LTBP3: variants seen among roughly 807,000 people sequenced by gnomAD.
The protein encoded by LTBP3 is latent transforming growth factor beta binding protein 3.
In LTBP3, 97 loss-of-function variants were observed where a neutral mutation model predicts 159.7. The ratio of observed to expected loss-of-function variants is 0.61; its 90% CI spans 0.52 to 0.72. LTBP3 has a LOEUF of 0.72. Ranked by LOEUF, LTBP3 falls within the 30% of genes least tolerant of loss-of-function variation. The probability of loss-of-function intolerance (pLI) is 0.00; values close to 1 mark genes in which losing one functional copy is unlikely to be tolerated. For synonymous variants in LTBP3, 824 were observed against 777.1 expected, an observed-to-expected ratio of 1.06 and a Z score of -1.00; for missense variants, 1,584 against 1,864.3, an observed-to-expected ratio of 0.85 and a Z score of 2.77.
rs1444052671 is a variant in LTBP3 at position 65,553,474 on chromosome 11, G to C, written c.921C>G (p.Ile307Met). Residue 307 changes from isoleucine to methionine, a missense_variant, in exon 4 of 28, where the codon ATC becomes ATG. Physicochemically the swap from Ile to Met is conservative, Grantham distance 10 (BLOSUM62 1). Transcript: ENST00000301873. The surrounding 1 kb of genome is among the most constrained non-coding windows in gnomAD (Gnocchi z 6.5). ...LTKQEDCCGS[I>M]GTAWGQSKCH... is the part of the protein sequence containing the mutation. ...ACTTGCTCTGGCCCCAGGCAGTGCC[G>C]ATGCTACCGCAGCAGTCTTCCTGCT... 1 of 1,612,540 alleles carries C rather than the reference G, an allele frequency of 6.2e-7. No individual in the cohort carries two copies. Among genetic ancestry groups the C allele is most frequent in the Non-Finnish European group, 8.5e-7 (1 of 1,179,900 alleles).
rs2135131682 is a variant in LTBP3, at chr11:65,543,558, C to T, written c.2354-9G>A. On this transcript the variant is annotated splice_polypyrimidine_tract_variant and intron_variant, in intron 16 of 27. Coordinates refer to ENST00000301873, the MANE Select transcript of LTBP3 (RefSeq NM_001130144.3). ...CTCACACTCGTCCACATCTGCAGGGCATAGGGGGTGTCAGAGGACCAGGCT... is the reference window on the plus strand; with the variant it reads ...CTCACACTCGTCCACATCTGCAGGGTATAGGGGGTGTCAGAGGACCAGGCT... 1.9e-6 allele frequency: 3 copies of T among 1,614,022 alleles called. No individual in the cohort carries two copies. Among genetic ancestry groups the T allele is most frequent in the East Asian group, 2.2e-5 (1 of 44,888 alleles).
rs777800837 is a variant in LTBP3, at chr11:65,554,280, T to A, written c.432A>T (p.Ala144=). 6.2e-7 allele frequency: 1 copy of A among 1,611,072 alleles called. No homozygotes were observed. The stretch of plus-strand genomic sequence containing the variant: ...CGCCGGTACCCCCACCGGCTCCTCC[T>A]GCGGGCACCTGGCAGAAGCGCCCAG... ...DFTGRFCQVP[A]GGAGGGTGGS... Residue 144 remains alanine, a synonymous_variant, in exon 2 of 28, where the codon GCA becomes GCT. Transcript: ENST00000301873. This position sits in a 1 kb window ranked among gnomAD's most constrained non-coding sequence, Gnocchi z 5.3.
intron 16 of LTBP3, chr11:65,543,994 C>G (rs566463926): frequency 4.3e-6 from 1 of 232,246 alleles, no homozygotes; most frequent in East Asian, 1.0e-4. Context: ...CCCCTCCAAG[C>G]CTGAGCTCGG....
At chr11:65,545,800 G>A (rs1056212649) in intron 16 of LTBP3, 6 of 190,264 alleles carry the variant, frequency 3.2e-5, no homozygotes, top group Non-Finnish European at 5.5e-5. Context: ...CAACCTCCCA[G>A]GCAGGACTTA....
In LTBP3 at chr11:65,547,680, C is replaced by A. The variant is rs954727728; in HGVS notation, c.1978+10G>T. The stretch of plus-strand genomic sequence containing the variant: ...CCACCCAGGGCCGCCTCCGCCCTGG[C>A]GGCGCTCACCCACGCACGAGCGCCC... On this transcript the variant is annotated intron_variant, in intron 13 of 27. Transcript: ENST00000301873. This position sits in a 1 kb window ranked among gnomAD's most constrained non-coding sequence, Gnocchi z 4.6. The A allele has an allele frequency of 6.2e-7, 1 of 1,605,004 alleles. No individual in the cohort carries two copies. The highest frequency in any genetic ancestry group is 2.2e-5 in the East Asian group (1 of 44,706).
Position 65,552,096 on chromosome 11 carries a change from C to T in LTBP3, c.1407G>A (p.Thr469=), listed in dbSNP as rs1856632963. 12 of 1,613,998 alleles carry T rather than the reference C, an allele frequency of 7.4e-6. No individual in the cohort carries two copies. The highest frequency in any genetic ancestry group is 1.3e-5 in the African/African-American group (1 of 74,890). ...KGYHILTSHQ[T]LTIQGESDFS... Reference sequence around the variant, plus strand: ...AGTCACTCTCGCCCTGAATGGTGAGCGTCTGGTGGGAGGTGAGAATGTGGT... The same window carrying T: ...AGTCACTCTCGCCCTGAATGGTGAGTGTCTGGTGGGAGGTGAGAATGTGGT... Residue 469 remains threonine, a synonymous_variant, in exon 8 of 28, where the codon ACG becomes ACA. Coordinates refer to ENST00000301873, the MANE Select transcript of LTBP3 (RefSeq NM_001130144.3). This position sits in a 1 kb window ranked among gnomAD's most constrained non-coding sequence, Gnocchi z 6.0.
intron 16 of LTBP3, chr11:65,543,781 C>G: frequency 3.5e-6 from 2 of 569,888 alleles, no homozygotes; most frequent in Admixed American, 5.7e-5. Context: ...CCTCCCCCGC[C>G]CTCTCTCCCT....
Position 65,546,163 on chromosome 11 carries a change from G to T in LTBP3, c.2353+279C>A. 2.1e-6 allele frequency: 1 copy of T among 483,510 alleles called. No homozygotes were observed. Among genetic ancestry groups the T allele is most frequent in the Non-Finnish European group, 3.7e-6 (1 of 271,466 alleles). The allele number at this position is 483,510 out of a possible 1,614,324, so 30.0% of individuals were successfully genotyped here. ...GTATAATAAACAGGAGTGCAGGGGG[G>T]AGTACTATCGTCTGCCCTCATTCTT... On this transcript the variant is annotated intron_variant, in intron 16 of 27. Transcript: ENST00000301873. The surrounding 1 kb of genome is among the most constrained non-coding windows in gnomAD (Gnocchi z 4.0).
Position 65,539,127 on chromosome 11 carries a change from C to A in LTBP3, c.3865G>T (p.Ala1289Ser). 1.4e-6 allele frequency: 2 copies of A among 1,479,990 alleles called. No homozygotes were observed. Among genetic ancestry groups the A allele is most frequent in the Non-Finnish European group, 9.0e-7 (1 of 1,112,312 alleles). The allele number at this position is 1,479,990 out of a possible 1,614,324, so 91.7% of individuals were successfully genotyped here. Reference protein sequence around the residue: ...SFRCVCKAGFARSRPHGACVP... With the variant: ...SFRCVCKAGFSRSRPHGACVP... The stretch of plus-strand genomic sequence containing the variant: ...CAGGCCCCGTGCGGGCGGCTGCGCG[C>A]GAAGCCGGCTTTGCAGACGCAGCGG... The change falls in exon 28 of 28, where the codon GCG (alanine) becomes TCG (serine). Residue 1289 changes from alanine to serine, a missense_variant. Transcript: ENST00000301873.
intron 18 of LTBP3, chr11:65,542,756 C>T: frequency 2.9e-6 from 1 of 348,468 alleles, no homozygotes; most frequent in Non-Finnish European, 5.6e-6. Flanking sequence ...TGGGGAAGAC[C>T]AATACATTAA....
intron 11 of LTBP3, 60 bp from the exon 12 acceptor site, chr11:65,548,105 C>CA: frequency 6.2e-7 from 1 of 1,610,724 alleles, no homozygotes; most frequent in Non-Finnish European, 8.5e-7. Context: ...GCCATATCCC[C>CA]AGGGCAGACC....
Position 65,546,428 on chromosome 11 carries a change from G to C in LTBP3, c.2353+14C>G. ...GGGGCGGCGGAGGCCCGGGGCGGGG[G>C]TGCTGGCGCTCACCCAAGCAACTGC... is the stretch of plus-strand genomic sequence containing the variant. On this transcript the variant is annotated intron_variant, in intron 16 of 27. Coordinates refer to ENST00000301873, the MANE Select transcript of LTBP3 (RefSeq NM_001130144.3). The surrounding 1 kb of genome is among the most constrained non-coding windows in gnomAD (Gnocchi z 4.0). 6.5e-7 allele frequency: 1 copy of C among 1,538,860 alleles called. No individual in the cohort carries two copies. The highest frequency in any genetic ancestry group is 1.2e-5 in the South Asian group (1 of 84,310).
At position 65,547,906 on chromosome 11, in the gene LTBP3, T is replaced by C. The variant is rs1306156185; in HGVS notation, c.1846+14A>G. The C allele has an allele frequency of 6.2e-7, 1 of 1,613,408 alleles. No individual in the cohort carries two copies. Among genetic ancestry groups the C allele is most frequent in the Non-Finnish European group, 8.5e-7 (1 of 1,179,894 alleles). ...CCCACCCACCTGCATGCCCGCCGCC[T>C]GCCCTGCGCTCACCCACGCAGTAGC... On this transcript the variant is annotated intron_variant, in intron 12 of 27. Coordinates refer to ENST00000301873, the MANE Select transcript of LTBP3 (RefSeq NM_001130144.3). This position sits in a 1 kb window ranked among gnomAD's most constrained non-coding sequence, Gnocchi z 4.6.
In LTBP3 at chr11:65,552,799, T is replaced by A; in HGVS notation, c.1186+61A>T. On this transcript the variant is annotated intron_variant, in intron 6 of 27. Transcript: ENST00000301873. The surrounding 1 kb of genome is among the most constrained non-coding windows in gnomAD (Gnocchi z 6.0). ...AACCCCACTCTGATCTCTTGCGATC[T>A]CTGATCCTTGCTCCCACCCATGCCT... 6.2e-7 allele frequency: 1 copy of A among 1,613,044 alleles called. No homozygotes were observed. Among genetic ancestry groups the A allele is most frequent in the Non-Finnish European group, 8.5e-7 (1 of 1,179,292 alleles).
At chr11:65,551,900 G>T in intron 8 of LTBP3, 72 bp downstream of exon 8, 1 of 1,518,830 alleles carries the variant, frequency 6.6e-7, no homozygotes, top group Non-Finnish European at 9.1e-7. Flanking sequence ...GGTCAGATCT[G>T]TGGATCACGG....
intron 21 of LTBP3, 28 bp downstream of exon 21, chr11:65,540,843 G>A (rs547679169): frequency 6.3e-7 from 1 of 1,595,550 alleles, no homozygotes; most frequent in South Asian, 1.1e-5. Flanking sequence ...GAGAGGGCGC[G>A]GGGCGGGCGG....
intron 26 of LTBP3, 28 bp downstream of exon 26, chr11:65,539,520 C>T (rs1855963245): frequency 2.5e-6 from 4 of 1,606,962 alleles, no homozygotes; most frequent in Non-Finnish European, 2.5e-6. Context: ...CTACCAACCC[C>T]GCCACCGCCC....
At chr11:65,542,780 C>G in intron 18 of LTBP3, 1 of 375,956 alleles carries the variant, frequency 2.7e-6, no homozygotes, top group East Asian at 6.4e-5. Context: ...CTGTAAAGAG[C>G]TTAACAGAGT....
At position 65,557,620 on chromosome 11, in the gene LTBP3, G is replaced by A. The variant is rs1856854750; in HGVS notation, c.331+9C>T. ...TTCCCCTGCCCCCAGCCGTGCCCCCGGCCCTCACCCACGCGGAAGCCGGAG... is the reference window on the plus strand; with the variant it reads ...TTCCCCTGCCCCCAGCCGTGCCCCCAGCCCTCACCCACGCGGAAGCCGGAG... On this transcript the variant is annotated intron_variant, in intron 1 of 27. Coordinates refer to ENST00000301873, the MANE Select transcript of LTBP3 (RefSeq NM_001130144.3). 3.1e-6 allele frequency: 5 copies of A among 1,608,212 alleles called. No individual in the cohort carries two copies. The highest frequency in any genetic ancestry group is 3.3e-4 in the Middle Eastern group (2 of 6,058).
Sources: allele counts gnomAD v4.1 joint callset, GRCh38; gene constraint gnomAD v4.1.1; non-coding constraint Gnocchi (gnomAD v3.1); transcripts MANE v1.5; gene names NCBI Gene and HGNC (gene_info 2026-07-23, HGNC 2026-07-21).